The following AKAP6 variants were observed in gnomAD, a reference collection of about 807,000 sequenced individuals.
AKAP6 encodes A-kinase anchor protein 6.
A neutral mutation model predicts 188.5 loss-of-function variants in AKAP6; 58 were observed. That is an observed-to-expected ratio of 0.31 (90% CI 0.25 to 0.38). The LOEUF (loss-of-function observed/expected upper bound fraction) is 0.38. Among genes scored for constraint, AKAP6 ranks in the 10% least tolerant of loss-of-function variants. AKAP6 has a pLI of 1.00. For synonymous variants in AKAP6, 989 were observed against 998.6 expected (o/e 0.99, Z 0.18); for missense variants, 2,710 against 2,740.0 (o/e 0.99, Z 0.24).
intron 7 of AKAP6, among the ~76,000 whole-genome samples, chr14:32,611,108 C>G (rs919422739): frequency 2.4e-4 from 37 of 152,044 alleles, no homozygotes; most frequent in African/African-American, 8.7e-4. Flanking sequence ...GAGTGATAGT[C>G]TGGAAGAAGA....
chr14:32,610,105 T>A (rs1475677061), intron 7 of AKAP6, among the ~76,000 whole-genome samples: 2 of 152,180 alleles, frequency 1.3e-5, no homozygotes, highest in African/African-American at 4.8e-5. Context: ...TTTACCTGGG[T>A]GTGCTTGTTC....
chr14:32,506,648 A>C (rs1486010868), intron 2 of AKAP6, among the ~76,000 whole-genome samples: 1 of 152,078 alleles, frequency 6.6e-6, no homozygotes, highest in South Asian at 2.1e-4. Flanking sequence ...TTCAAGAACT[A>C]TGACTTTTGT....
intron 11 of AKAP6, among the ~76,000 whole-genome samples, chr14:32,737,357 A>G (rs996387677): frequency 2.6e-5 from 4 of 152,298 alleles, no homozygotes; most frequent in Non-Finnish European, 4.4e-5. Context: ...TGTTTGGTAT[A>G]TGATTAATCC....
At chr14:32,621,597 G>A (rs982347011) in intron 7 of AKAP6, among the ~76,000 whole-genome samples, 2 of 151,960 alleles carry the variant, frequency 1.3e-5, no homozygotes, top group African/African-American at 2.4e-5. Context: ...CTATCATATG[G>A]TCTATCTTGG....
At chr14:32,810,934 C>G (rs1014089382) in intron 12 of AKAP6, among the ~76,000 whole-genome samples, 7 of 152,084 alleles carry the variant, frequency 4.6e-5, no homozygotes, top group African/African-American at 1.7e-4. Flanking sequence ...CCTTGACAGG[C>G]TTAGTTAAGA....
At chr14:32,362,831 T>C (rs895425601) in intron 1 of AKAP6, among the ~76,000 whole-genome samples, 5 of 151,986 alleles carry the variant, frequency 3.3e-5, no homozygotes, top group African/African-American at 1.2e-4. Context: ...GAAAGATCAG[T>C]CAGTGTGGGG....
At chr14:32,560,761 T>C (rs1002223184) in intron 4 of AKAP6, among the ~76,000 whole-genome samples, 1 of 152,232 alleles carries the variant, frequency 6.6e-6, no homozygotes, top group South Asian at 2.1e-4. Flanking sequence ...AAAATGATTC[T>C]TGGAACTTTA....
Position 32,824,275 on chromosome 14 carries a change from C to T in AKAP6, c.6462C>T (p.Cys2154=), listed in dbSNP as rs568860780. The change falls in exon 13 of 14, where the codon TGC becomes TGT. Residue 2154 remains cysteine (C), a synonymous_variant. Transcript: ENST00000280979. ...SGLDDKEDIE[C]FFEACVEGDS... is the part of the protein sequence containing the mutation. ...TAGATGACAAGGAAGATATTGAATG[C>T]TTTTTTGAGGCCTGTGTTGAGGGTG... 2.3e-5 allele frequency: 37 copies of T among 1,613,884 alleles called. No homozygotes were observed. In the East Asian group the frequency reaches 7.4e-4, roughly 32 times the overall value.
rs1484395872 is a variant in AKAP6 at position 32,836,132 on chromosome 14, C to T, written c.*6327C>T. On this transcript the variant is annotated 3_prime_UTR_variant, in exon 14 of 14. Coordinates refer to ENST00000280979, the MANE Select transcript of AKAP6 (RefSeq NM_004274.5). ...TTTGTCTCTTTTCCATTGCAACACACAGGAGTTGGAATGTGTTCATACGTG... is the reference window on the plus strand; with the variant it reads ...TTTGTCTCTTTTCCATTGCAACACATAGGAGTTGGAATGTGTTCATACGTG... The T allele has an allele frequency of 6.6e-6, 1 of 152,172 alleles. No individual in the cohort carries two copies. The highest frequency in any genetic ancestry group is 1.5e-5 in the Non-Finnish European group (1 of 68,038). The allele number at this position is 152,172 out of a possible 1,614,324, so 9.4% of individuals were successfully genotyped here.
chr14:32,433,378 T>A lies in AKAP6; in HGVS notation c.-34-82T>A, dbSNP rs1456559078. ...TTAGAAATCTGGCTTAATTTAGAAATCCTGTTTCTTCTGTGAAGTATCATT... is the reference window on the plus strand; with the variant it reads ...TTAGAAATCTGGCTTAATTTAGAAAACCTGTTTCTTCTGTGAAGTATCATT... On this transcript the variant is annotated intron_variant, in intron 1 of 13. Coordinates refer to ENST00000280979, the MANE Select transcript of AKAP6 (RefSeq NM_004274.5). 8.5e-6 allele frequency: 8 copies of A among 938,124 alleles called. No individual in the cohort carries two copies. In the East Asian group the frequency reaches 1.3e-4, roughly 15 times the overall value. 58.1% of individuals were successfully genotyped at this position (938,124 alleles called of 1,614,324 possible).
intron 7 of AKAP6, among the ~76,000 whole-genome samples, chr14:32,644,025 G>A (rs1887877041): frequency 6.6e-6 from 1 of 152,150 alleles, no homozygotes; most frequent in Admixed American, 6.6e-5. Flanking sequence ...GCTCATGTGT[G>A]TACATTTAGA....
In AKAP6 at chr14:32,821,934, C is replaced by G. The variant is rs376462388; in HGVS notation, c.4121C>G (p.Thr1374Ser). The G allele has an allele frequency of 1.2e-6, 2 of 1,613,810 alleles. No individual in the cohort carries two copies. Among genetic ancestry groups the G allele is most frequent in the African/African-American group, 2.7e-5 (2 of 74,890 alleles). ...SGIVSEGDTE[T>S]TTNSEMCLLN... is the part of the protein sequence containing the mutation. ...ATTGTCAGTGAAGGAGACACAGAAA[C>G]CACTACCAACTCTGAAATGTGCTTG... The change falls in exon 13 of 14, where the codon ACC becomes AGC. Residue 1374 changes from threonine to serine, a missense_variant. Thr to Ser is a moderately conservative substitution (Grantham distance 58). Around this residue, in one of 2 missense-constraint regions of AKAP6, gnomAD observed 2,473 missense variants for 2,426.1 expected, o/e 1.02. Coordinates refer to ENST00000280979, the MANE Select transcript of AKAP6 (RefSeq NM_004274.5).
At chr14:32,529,109 A>G (rs536117161) in intron 2 of AKAP6, among the ~76,000 whole-genome samples, 2 of 152,364 alleles carry the variant, frequency 1.3e-5, no homozygotes, top group South Asian at 4.1e-4. Flanking sequence ...ATCCAGAAAC[A>G]TGGAATACCA....
intron 12 of AKAP6, among the ~76,000 whole-genome samples, chr14:32,799,398 T>A (rs898344726): frequency 1.3e-5 from 2 of 152,184 alleles, no homozygotes; most frequent in Non-Finnish European, 2.9e-5. Context: ...AGGTGGGAGA[T>A]TAGGTTGTTG....
chr14:32,489,777 G>C (rs1342326969), intron 2 of AKAP6, among the ~76,000 whole-genome samples: 1 of 152,178 alleles, frequency 6.6e-6, no homozygotes, highest in Non-Finnish European at 1.5e-5. Context: ...AAATAATATA[G>C]TTTGCCTGAT....
chr14:32,367,035 T>G (rs959081009), intron 1 of AKAP6, among the ~76,000 whole-genome samples: 2 of 152,154 alleles, frequency 1.3e-5, no homozygotes, highest in Non-Finnish European at 2.9e-5. Flanking sequence ...ATAAAACTCC[T>G]TGCTGCGGGC....
At position 32,560,919 on chromosome 14, in the gene AKAP6, T is replaced by A. The variant is rs190270052; in HGVS notation, c.2346+13920T>A. 8.5e-3 allele frequency among the ~76,000 whole-genome samples: 1,287 copies of A among 152,298 alleles called. 16 individuals are homozygous for A. Among genetic ancestry groups the A allele is most frequent in the Non-Finnish European group, 0.013 (871 of 68,028 alleles). ...TCGGGCAGAATGCTAAGGGGTTTAT[T>A]CACTTAGTACATCACTTCATTTAAT... On this transcript the variant is annotated intron_variant, in intron 4 of 13. Transcript: ENST00000280979.
intron 1 of AKAP6, among the ~76,000 whole-genome samples, chr14:32,357,601 G>C (rs1412594999): frequency 6.6e-6 from 1 of 152,220 alleles, no homozygotes; most frequent in Admixed American, 6.5e-5. Context: ...TTACTGAACA[G>C]AAGACAATCT....
At chr14:32,761,977 A>G (rs1007636259) in intron 11 of AKAP6, among the ~76,000 whole-genome samples, 3 of 152,174 alleles carry the variant, frequency 2.0e-5, no homozygotes, top group African/African-American at 7.2e-5. Flanking sequence ...GATAAAAAGC[A>G]CAGTGGGTGT....
Sources: allele counts gnomAD v4.1 joint callset (sites outside exome capture counted in the v4.1 genomes callset), GRCh38; gene constraint gnomAD v4.1.1; regional missense constraint gnomAD v4.1.1; transcripts MANE v1.5; gene names NCBI Gene and HGNC (gene_info 2026-07-23, HGNC 2026-07-21).